TMEM132C: variants seen among roughly 807,000 people sequenced by gnomAD.
The protein encoded by TMEM132C is transmembrane protein 132C.
A neutral mutation model predicts 61.4 loss-of-function variants in TMEM132C; 29 were observed. The ratio of observed to expected loss-of-function variants is 0.47; its 90% CI spans 0.35 to 0.64. TMEM132C has a LOEUF of 0.64. Among genes scored for constraint, TMEM132C ranks in the 30% least tolerant of loss-of-function variants. The pLI is 0.00. For missense variants in TMEM132C, 1,408 were observed against 1,476.9 expected, an observed-to-expected ratio of 0.95 and a Z score of 0.76; for synonymous variants, 656 against 633.1, an observed-to-expected ratio of 1.04 and a Z score of -0.54.
At chr12:128,666,724 T>G (rs978722277) in intron 4 of TMEM132C, among the ~76,000 whole-genome samples, 7 of 152,244 alleles carry the variant, frequency 4.6e-5, no homozygotes, top group African/African-American at 1.7e-4. Context: ...TTCCTCCATG[T>G]CACAGCCAGT....
chr12:128,620,377 T>C (rs1359032176), intron 4 of TMEM132C, among the ~76,000 whole-genome samples: 1 of 151,956 alleles, frequency 6.6e-6, no homozygotes, highest in Non-Finnish European at 1.5e-5. Flanking sequence ...TATACTCTAG[T>C]GGAGCGACAG....
At chr12:128,667,815 G>A (rs548601654) in intron 4 of TMEM132C, among the ~76,000 whole-genome samples, 71 of 152,258 alleles carry the variant, frequency 4.7e-4, no homozygotes, top group South Asian at 2.5e-3. Flanking sequence ...AGGTATTTTC[G>A]TCATCACCTG....
chr12:128,538,409 T>C (rs7297841), intron 2 of TMEM132C, among the ~76,000 whole-genome samples: 99,588 of 151,924 alleles, frequency 0.66, 33,246 homozygotes, highest in African/African-American at 0.77. Flanking sequence ...CAGGCATGGG[T>C]CACCGTGTGG....
chr12:128,661,052 A>G (rs938219164), intron 4 of TMEM132C, among the ~76,000 whole-genome samples: 2 of 151,974 alleles, frequency 1.3e-5, no homozygotes, highest in African/African-American at 4.9e-5. Flanking sequence ...TGGATAGATG[A>G]TAGACACATA....
rs886161480 is a variant in TMEM132C at position 128,359,279 on chromosome 12, TCATGGTGGAAGAGCAAGGGACGTCTTA to T, written c.86-55440_86-55414del. ...CCTCATGGCTGGGGAGGCCTCACAA[TCATGGTGGAAGAGCAAGGGACGTCTTA>T]CATGGTGGAAGACAAGAGAGAGCAT... On this transcript the variant is annotated intron_variant, in intron 1 of 8. Coordinates refer to ENST00000435159, the MANE Select transcript of TMEM132C (RefSeq NM_001136103.3). Among the ~76,000 whole-genome samples the T allele has an allele frequency of 4.6e-5, 7 of 152,304 alleles. No homozygotes were observed. The East Asian group carries it at 9.7e-4, about 21-fold the overall frequency.
chr12:128,573,635 AAAAG>A (rs1449534940), intron 3 of TMEM132C, among the ~76,000 whole-genome samples: 3 of 152,096 alleles, frequency 2.0e-5, no homozygotes. Flanking sequence ...GATTAAAAAA[AAAAG>A]AAGCCATAAC....
At chr12:128,288,985 A>C (rs1592998513) in intron 1 of TMEM132C, 1 of 152,218 alleles carries the variant, frequency 6.6e-6, no homozygotes, top group South Asian at 2.1e-4. Flanking sequence ...ACACGCATGC[A>C]TGTGCTCACA....
At chr12:128,573,898 CAAAA>C (rs10689177) in intron 3 of TMEM132C, among the ~76,000 whole-genome samples, 2 of 142,826 alleles carry the variant, frequency 1.4e-5, no homozygotes, top group South Asian at 2.2e-4. Flanking sequence ...TTTTTGCAAT[CAAAA>C]AAAAAAAAAA....
At chr12:128,304,385 A>G (rs1871694101) in intron 1 of TMEM132C, among the ~76,000 whole-genome samples, 1 of 152,046 alleles carries the variant, frequency 6.6e-6, no homozygotes, top group African/African-American at 2.4e-5. Flanking sequence ...GGGTGGGTAG[A>G]TCATTTGAGG....
chr12:128,436,529 A>G (rs1385041441), intron 2 of TMEM132C, among the ~76,000 whole-genome samples: 1 of 152,272 alleles, frequency 6.6e-6, no homozygotes, highest in African/African-American at 2.4e-5. Flanking sequence ...TATGCAGCCA[A>G]CAGACACATG....
intron 2 of TMEM132C, among the ~76,000 whole-genome samples, chr12:128,490,078 G>A (rs1871662407): frequency 6.6e-6 from 1 of 152,116 alleles, no homozygotes; most frequent in African/African-American, 2.4e-5. Context: ...CCAATTGAAG[G>A]GACTAAGTAT....
chr12:128,688,587 A>C (rs1012040874), intron 5 of TMEM132C, among the ~76,000 whole-genome samples: 1 of 152,212 alleles, frequency 6.6e-6, no homozygotes, highest in Non-Finnish European at 1.5e-5. Context: ...AAGAACAATG[A>C]GTTATAGAGG....
intron 1 of TMEM132C, among the ~76,000 whole-genome samples, chr12:128,271,991 T>C (rs111944390): frequency 7.4e-4 from 113 of 152,358 alleles, no homozygotes; most frequent in African/African-American, 2.6e-3. Flanking sequence ...ATCTGATCGA[T>C]AGAACATTTT....
rs1419235458 is a variant in TMEM132C at position 128,278,650 on chromosome 12, A to G, written c.85+11163A>G. On this transcript the variant is annotated intron_variant, in intron 1 of 8. Transcript: ENST00000435159. The surrounding 1 kb of genome is among the most constrained non-coding windows in gnomAD (Gnocchi z 4.2). ...AGCCTACAAACATCAGCTTTTTACTAAACCCCGGTGGTCAGGGTGTCCATG... is the reference window on the plus strand; with the variant it reads ...AGCCTACAAACATCAGCTTTTTACTGAACCCCGGTGGTCAGGGTGTCCATG... Among the ~76,000 whole-genome samples the G allele has an allele frequency of 6.6e-6, 1 of 152,068 alleles. No homozygotes were observed. Among genetic ancestry groups the G allele is most frequent in the Admixed American group, 6.6e-5 (1 of 15,266 alleles).
chr12:128,402,894 A>G (rs1033533682), intron 1 of TMEM132C, among the ~76,000 whole-genome samples: 2 of 152,216 alleles, frequency 1.3e-5, no homozygotes, highest in South Asian at 2.1e-4. Context: ...TGAAAGGCAC[A>G]GTTCCTTTGC....
At chr12:128,301,737 A>T (rs1224741555) in intron 1 of TMEM132C, among the ~76,000 whole-genome samples, 1 of 152,150 alleles carries the variant, frequency 6.6e-6, no homozygotes, top group Non-Finnish European at 1.5e-5. Context: ...GTGTCCTGTG[A>T]AGGTAGCTGA....
At chr12:128,335,947 C>A (rs1872782248) in intron 1 of TMEM132C, among the ~76,000 whole-genome samples, 1 of 152,180 alleles carries the variant, frequency 6.6e-6, no homozygotes, top group African/African-American at 2.4e-5. Context: ...TCTTAAAGAT[C>A]TAATCCTTAA....
chr12:128,488,432 G>A (rs547150126), intron 2 of TMEM132C, among the ~76,000 whole-genome samples: 3 of 152,262 alleles, frequency 2.0e-5, no homozygotes, highest in East Asian at 1.9e-4. Flanking sequence ...AGGCCAAGGC[G>A]GGTGGATCAC....
intron 1 of TMEM132C, among the ~76,000 whole-genome samples, chr12:128,392,052 G>GTCTCTGTC (rs1555221997): frequency 1.4e-4 from 18 of 125,548 alleles, no homozygotes; most frequent in African/African-American, 5.4e-4. Context: ...CTCTGTCTCT[G>GTCTCTGTC]TCTCTCTCTC....
Sources: allele counts gnomAD v4.1 joint callset (sites outside exome capture counted in the v4.1 genomes callset), GRCh38; gene constraint gnomAD v4.1.1; non-coding constraint Gnocchi (gnomAD v3.1); transcripts MANE v1.5; gene names NCBI Gene and HGNC (gene_info 2026-07-23, HGNC 2026-07-21).